The following CTNNA3 variants were observed in gnomAD, a reference collection of about 807,000 sequenced individuals.
CTNNA3 encodes catenin alpha 3.
In CTNNA3, 76 loss-of-function variants were observed where a neutral mutation model predicts 95.7. The ratio of observed to expected loss-of-function variants is 0.79; its 90% CI spans 0.66 to 0.96. The LOEUF (loss-of-function observed/expected upper bound fraction) is 0.96, where lower values mean the gene tolerates loss of function less well. CTNNA3 is among the 40% of genes least tolerant of loss of function. CTNNA3 has a pLI of 0.00. For missense variants in CTNNA3, 1,191 were observed against 1,089.8 expected (o/e 1.09, Z -1.31); for synonymous variants, 431 against 374.4 (o/e 1.15, Z -1.74).
intron 10 of CTNNA3, among the ~76,000 whole-genome samples, chr10:66,590,203 T>G (rs1000940302): frequency 5.3e-5 from 8 of 152,026 alleles, no homozygotes; most frequent in African/African-American, 1.9e-4. Context: ...ATATTAGACA[T>G]CTAGTCCAAA....
intron 5 of CTNNA3, among the ~76,000 whole-genome samples, chr10:67,512,559 T>C (rs1259037356): frequency 1.3e-5 from 2 of 152,208 alleles, no homozygotes; most frequent in East Asian, 1.9e-4. Flanking sequence ...CAAAATTCCA[T>C]TGCAGTAGAA....
At chr10:66,448,970 T>C (rs923468426) in intron 11 of CTNNA3, among the ~76,000 whole-genome samples, 1 of 152,104 alleles carries the variant, frequency 6.6e-6, no homozygotes, top group Non-Finnish European at 1.5e-5. Context: ...AGTAAATCCA[T>C]ATGTCTCTTT....
At chr10:65,972,278 T>C (rs1350260654) in intron 16 of CTNNA3, among the ~76,000 whole-genome samples, 4 of 151,812 alleles carry the variant, frequency 2.6e-5, no homozygotes, top group African/African-American at 9.7e-5. Context: ...TTGAAAACTG[T>C]TACAAGGATG....
chr10:66,043,618 C>T (rs901008200), intron 15 of CTNNA3, among the ~76,000 whole-genome samples: 7 of 152,162 alleles, frequency 4.6e-5, no homozygotes, highest in African/African-American at 1.7e-4. Flanking sequence ...AAGAAAAGCA[C>T]CATGGGCAAA....
intron 9 of CTNNA3, among the ~76,000 whole-genome samples, chr10:66,649,400 TAAGA>T (rs750778783): frequency 1.3e-5 from 2 of 151,792 alleles, no homozygotes; most frequent in Non-Finnish European, 2.9e-5. Context: ...AGCACAGAAA[TAAGA>T]AAGACACACT....
intron 5 of CTNNA3, among the ~76,000 whole-genome samples, chr10:67,440,276 T>C (rs576757652): frequency 6.6e-6 from 1 of 151,328 alleles, no homozygotes; most frequent in African/African-American, 2.4e-5. Context: ...GAGGGAAGAG[T>C]GGGAAGGACT....
At chr10:66,332,712 G>A (rs2092345793) in intron 12 of CTNNA3, among the ~76,000 whole-genome samples, 1 of 152,004 alleles carries the variant, frequency 6.6e-6, no homozygotes. Flanking sequence ...TCTCTGCCAG[G>A]CTTTGGTATC....
chr10:67,760,913 A>G (rs1841458600), intron 1 of CTNNA3, among the ~76,000 whole-genome samples: 1 of 152,214 alleles, frequency 6.6e-6, no homozygotes. Flanking sequence ...TGAGCTGTGT[A>G]TTTCATTATA....
chr10:66,714,339 C>T (rs1848387480), intron 9 of CTNNA3, among the ~76,000 whole-genome samples: 2 of 152,240 alleles, frequency 1.3e-5, no homozygotes, highest in South Asian at 4.1e-4. Context: ...CTCTTTCTCT[C>T]TTTCTCTAGA....
intron 5 of CTNNA3, among the ~76,000 whole-genome samples, chr10:67,491,797 G>C (rs962927141): frequency 2.0e-5 from 3 of 151,990 alleles, no homozygotes; most frequent in Non-Finnish European, 4.4e-5. Flanking sequence ...GAATTAGAAA[G>C]GGGTGAATTT....
At chr10:66,688,709 C>T (rs7092965) in intron 9 of CTNNA3, among the ~76,000 whole-genome samples, 63,971 of 151,722 alleles carry the variant, frequency 0.42, 14,366 homozygotes, top group East Asian at 0.89. Context: ...CGGTGGCTCA[C>T]GCCTGTAATC....
At chr10:66,274,560 C>T (rs1006321474) in intron 13 of CTNNA3, among the ~76,000 whole-genome samples, 5 of 151,986 alleles carry the variant, frequency 3.3e-5, no homozygotes, top group African/African-American at 1.2e-4. Context: ...TTTTAATAGT[C>T]CATGCAAGTT....
intron 11 of CTNNA3, among the ~76,000 whole-genome samples, chr10:66,496,201 A>G (rs1045698305): frequency 1.3e-5 from 2 of 152,204 alleles, no homozygotes; most frequent in African/African-American, 4.8e-5. Flanking sequence ...AGGTTTTAGT[A>G]TCACCATATC....
intron 15 of CTNNA3, among the ~76,000 whole-genome samples, chr10:66,056,296 T>C (rs1047959033): frequency 2.6e-5 from 4 of 152,226 alleles, no homozygotes; most frequent in African/African-American, 9.6e-5. Context: ...AATTGTATGG[T>C]TTGCATCCTT....
At chr10:66,203,893 AC>A (rs1371877920) in intron 13 of CTNNA3, among the ~76,000 whole-genome samples, 7 of 152,018 alleles carry the variant, frequency 4.6e-5, no homozygotes, top group Non-Finnish European at 8.8e-5. Context: ...CTGCTTGTTC[AC>A]CTTTACACAC....
chr10:66,987,731 C>A (rs557385930), intron 7 of CTNNA3, among the ~76,000 whole-genome samples: 1 of 152,178 alleles, frequency 6.6e-6, no homozygotes, highest in East Asian at 1.9e-4. Flanking sequence ...AAGATGCTGG[C>A]AAAATAAAAA....
intron 13 of CTNNA3, among the ~76,000 whole-genome samples, chr10:66,201,789 T>TC (rs1554887936): frequency 7.1e-6 from 1 of 141,414 alleles, no homozygotes; most frequent in Non-Finnish European, 1.5e-5. Flanking sequence ...TTTTCTTTTT[T>TC]TTTTTTTTTT....
intron 15 of CTNNA3, among the ~76,000 whole-genome samples, chr10:66,006,076 G>A (rs1365219490): frequency 1.4e-5 from 2 of 144,746 alleles, no homozygotes; most frequent in Non-Finnish European, 3.0e-5. Flanking sequence ...GCAGTGGCAC[G>A]ATCTCGGCTC....
intron 5 of CTNNA3, among the ~76,000 whole-genome samples, chr10:67,232,331 G>A (rs555766570): frequency 4.6e-5 from 7 of 152,158 alleles, no homozygotes; most frequent in Non-Finnish European, 7.3e-5. Context: ...AACTCTACAA[G>A]CCAGAAGAGA....
Sources: allele counts gnomAD v4.1 joint callset (sites outside exome capture counted in the v4.1 genomes callset), GRCh38; gene constraint gnomAD v4.1.1; transcripts MANE v1.5; gene names NCBI Gene and HGNC (gene_info 2026-07-23, HGNC 2026-07-21).